The following MAL2 variants were observed in gnomAD, a reference collection of about 807,000 sequenced individuals.
MAL2 encodes the protein mal, T cell differentiation protein 2.
MAL2 carries 17 observed loss-of-function variants against 18.1 expected under a neutral mutation model. That is an observed-to-expected ratio of 0.94 (90% CI 0.64 to 1.41). MAL2 has a LOEUF of 1.41. MAL2 is among the 40% of genes most tolerant of loss of function. The pLI, the probability that MAL2 is intolerant of heterozygous loss-of-function variation, is 0.00. For missense variants in MAL2, 222 were observed against 231.9 expected, an observed-to-expected ratio of 0.96 and a Z score of 0.28; for synonymous variants, 102 against 102.3, an observed-to-expected ratio of 1.00 and a Z score of 0.02.
rs1195605714 is a variant in MAL2 at position 119,208,702 on chromosome 8, C to G, written c.132+98C>G. 1 of 1,212,304 alleles carries G rather than the reference C, an allele frequency of 8.2e-7. No homozygotes were observed. The highest frequency in any genetic ancestry group is 1.0e-6 in the Non-Finnish European group (1 of 974,420). The allele number at this position is 1,212,304 out of a possible 1,614,324, so 75.1% of individuals were successfully genotyped here. ...GTCTTCCTCTGCGTCCGCCCCCGGC[C>G]TCCTTCCCTTCGACGTGGCTTTGTC... On this transcript the variant is annotated intron_variant, in intron 1 of 3. Transcript: ENST00000614891. This position sits in a 1 kb window ranked among gnomAD's most constrained non-coding sequence, Gnocchi z 4.3.
chr8:119,227,502 C>T (rs1035268164), intron 2 of MAL2, among the ~76,000 whole-genome samples: 2 of 152,178 alleles, frequency 1.3e-5, no homozygotes, highest in Non-Finnish European at 2.9e-5. Context: ...AGCACTAGTA[C>T]CTCCACTGTG....
rs1818104505 is a variant in MAL2, at chr8:119,244,075, CTT to C, written c.*588_*589del. ...TGAGTGTGGTTATGTTCTAATAAAA[CTT>C]ATTTATAAAAACAAGGGGAGGCTGG... On this transcript the variant is annotated 3_prime_UTR_variant, in exon 4 of 4. Transcript: ENST00000614891. 1.3e-5 allele frequency: 2 copies of C among 152,290 alleles called. No homozygotes were observed. The highest frequency in any genetic ancestry group is 2.1e-4 in the South Asian group (1 of 4,830). The allele number at this position is 152,290 out of a possible 1,614,324, so 9.4% of individuals were successfully genotyped here.
intron 2 of MAL2, chr8:119,224,365 T>C (rs1817537152): frequency 6.6e-6 from 1 of 152,108 alleles, no homozygotes; most frequent in African/African-American, 2.4e-5. Flanking sequence ...AGATTCTAAA[T>C]TTATATAGTC....
Position 119,240,183 on chromosome 8 carries a change from A to G in MAL2, c.322A>G (p.Thr108Ala). Residue 108 changes from threonine (T) to alanine (A), a missense_variant, in exon 3 of 4, where the codon ACA becomes GCA. Thr to Ala is a moderately conservative substitution (Grantham distance 58, BLOSUM62 0). Transcript: ENST00000614891. Reference sequence around the variant, plus strand: ...CTTTTAGGATTTTGCCTACCATTTTACAGTATTTGTCTTCTATTTTGGAGC... The same window carrying G: ...CTTTTAGGATTTTGCCTACCATTTTGCAGTATTTGTCTTCTATTTTGGAGC... Reference protein sequence around the residue: ...WNFLDFAYHFTVFVFYFGAFL... With the variant: ...WNFLDFAYHFAVFVFYFGAFL... The G allele has an allele frequency of 1.2e-6, 2 of 1,613,314 alleles. No homozygotes were observed. The highest frequency in any genetic ancestry group is 2.2e-5 in the East Asian group (1 of 44,852).
intron 2 of MAL2, among the ~76,000 whole-genome samples, chr8:119,231,423 C>T (rs183371878): frequency 6.6e-5 from 10 of 152,160 alleles, no homozygotes; most frequent in East Asian, 3.9e-4. Flanking sequence ...ATTGCTATAA[C>T]GGTAATAGAA....
At chr8:119,236,857 A>T (rs1255488735) in intron 2 of MAL2, among the ~76,000 whole-genome samples, 4 of 151,226 alleles carry the variant, frequency 2.6e-5, no homozygotes, top group Non-Finnish European at 5.9e-5. Flanking sequence ...TCCAAAATTG[A>T]CACCCTAACA....
intron 1 of MAL2, among the ~76,000 whole-genome samples, chr8:119,209,907 G>C (rs74906262): frequency 6.6e-6 from 1 of 152,282 alleles, no homozygotes; most frequent in East Asian, 1.9e-4. Flanking sequence ...TGGGAAGAGC[G>C]GAGAGACGAT....
chr8:119,239,429 C>T (rs1469791759), intron 2 of MAL2, among the ~76,000 whole-genome samples: 1 of 151,158 alleles, frequency 6.6e-6, no homozygotes, highest in East Asian at 1.9e-4. Context: ...TACTGGGTCC[C>T]AAAGGACTAC....
rs116772849 is a variant in MAL2 at position 119,218,376 on chromosome 8, G to A, written c.133-3211G>A. On this transcript the variant is annotated intron_variant, in intron 1 of 3. Transcript: ENST00000614891. ...ATTTTGAGTACGATAAGAACGGTTA[G>A]TCTATACTATTTTACAGTATAGCCT... Among the ~76,000 whole-genome samples, 432 of 152,194 alleles carry A rather than the reference G, an allele frequency of 2.8e-3. 1 individual carries two copies. Among genetic ancestry groups the A allele is most frequent in the African/African-American group, 9.8e-3 (407 of 41,518 alleles).
At chr8:119,219,587 T>G (rs1233365565) in intron 1 of MAL2, among the ~76,000 whole-genome samples, 12 of 147,138 alleles carry the variant, frequency 8.2e-5, no homozygotes, top group African/African-American at 2.3e-4. Context: ...GAGAGAGAGA[T>G]TGATTCTCAC....
At chr8:119,239,232 C>G (rs912453772) in intron 2 of MAL2, among the ~76,000 whole-genome samples, 62 of 152,318 alleles carry the variant, frequency 4.1e-4, no homozygotes, top group African/African-American at 1.5e-3. Context: ...GAGATATCAT[C>G]TCATACCAGT....
intron 2 of MAL2, chr8:119,223,347 C>G (rs935849961): frequency 1.3e-5 from 2 of 151,920 alleles, no homozygotes; most frequent in Non-Finnish European, 1.5e-5. Context: ...TGTGTAGCCT[C>G]GGGCACAATT....
At chr8:119,226,442 C>T (rs372257038) in intron 2 of MAL2, among the ~76,000 whole-genome samples, 3 of 134,640 alleles carry the variant, frequency 2.2e-5, no homozygotes, top group East Asian at 4.4e-4. Flanking sequence ...GGAAGTTTGA[C>T]CCTGAAACGA....
rs1245136433 is a variant in MAL2, at chr8:119,245,234, C to T, written c.*1746C>T. 1 of 152,556 alleles carries T rather than the reference C, an allele frequency of 6.6e-6. No individual in the cohort carries two copies. Among genetic ancestry groups the T allele is most frequent in the Non-Finnish European group, 1.5e-5 (1 of 68,026 alleles). The allele number at this position is 152,556 out of a possible 1,614,324, so 9.5% of individuals were successfully genotyped here. On this transcript the variant is annotated 3_prime_UTR_variant, in exon 4 of 4. Transcript: ENST00000614891. ...CCTAGCTCCATACCACACACCTAAA[C>T]CTGTATTATGAATTACATATTACAA...
intron 2 of MAL2, among the ~76,000 whole-genome samples, chr8:119,230,466 A>ATCCTTTCTG (rs2129857156): frequency 6.6e-6 from 1 of 152,224 alleles, no homozygotes; most frequent in South Asian, 2.1e-4. Context: ...GCAAGCAGTA[A>ATCCTTTCTG]TTGCTTGTGG....
intron 2 of MAL2, among the ~76,000 whole-genome samples, chr8:119,239,525 G>A (rs1817999015): frequency 6.6e-6 from 1 of 151,950 alleles, no homozygotes; most frequent in Non-Finnish European, 1.5e-5. Flanking sequence ...CAACCCAAAT[G>A]TCCAACAATG....
chr8:119,234,297 G>C (rs996772006), intron 2 of MAL2, among the ~76,000 whole-genome samples: 3 of 152,188 alleles, frequency 2.0e-5, no homozygotes, highest in African/African-American at 7.2e-5. Context: ...ACACCTGGCT[G>C]GGAGGGTCCT....
At chr8:119,210,150 A>G (rs1817248266) in intron 1 of MAL2, among the ~76,000 whole-genome samples, 1 of 152,206 alleles carries the variant, frequency 6.6e-6, no homozygotes, top group Non-Finnish European at 1.5e-5. Context: ...TTCTTAAGCA[A>G]TAATATACAT....
At chr8:119,210,505 C>T (rs1817253158) in intron 1 of MAL2, among the ~76,000 whole-genome samples, 2 of 152,066 alleles carry the variant, frequency 1.3e-5, no homozygotes, top group East Asian at 1.9e-4. Flanking sequence ...ATAACTGTTA[C>T]CAGCCCAGAC....
Sources: gnomAD v4.1 joint callset for allele counts (sites outside exome capture counted in the v4.1 genomes callset) on GRCh38, gnomAD v4.1.1 for gene constraint, Gnocchi (gnomAD v3.1) non-coding constraint, MANE v1.5 for transcripts, NCBI Gene and HGNC (gene_info 2026-07-23, HGNC 2026-07-21) for gene names.